Variants in PCDHA3 observed in about 807,000 individuals in gnomAD.
PCDHA3 encodes protocadherin alpha-3.
A neutral mutation model predicts 62.2 loss-of-function variants in PCDHA3; 41 were observed. That is an observed-to-expected ratio of 0.66 (90% CI 0.51 to 0.86). The LOEUF is 0.86. Among genes scored for constraint, PCDHA3 ranks in the 40% least tolerant of loss-of-function variants. The pLI, the probability that PCDHA3 is intolerant of heterozygous loss-of-function variation, is 0.00. For synonymous variants in PCDHA3, 640 were observed against 555.4 expected, an observed-to-expected ratio of 1.15 and a Z score of -2.14; for missense variants, 1,304 against 1,241.2, an observed-to-expected ratio of 1.05 and a Z score of -0.76.
At chr5:140,876,583 CT>C in intron 1 of PCDHA3, 1 of 1,614,194 alleles carries the variant, frequency 6.2e-7, no homozygotes, top group Non-Finnish European at 8.5e-7. Context: ...CGTCATTGCC[CT>C]GATTAGCGTG....
intron 3 of PCDHA3, among the ~76,000 whole-genome samples, chr5:140,996,953 TCCCTCAATC>T (rs1554255576): frequency 6.6e-6 from 1 of 152,202 alleles, no homozygotes; most frequent in Non-Finnish European, 1.5e-5. Flanking sequence ...AATATTTATT[TCCCTCAATC>T]CCACTCCCCT....
At chr5:140,844,381 T>C (rs1554140633) in intron 1 of PCDHA3, among the ~76,000 whole-genome samples, 1 of 149,612 alleles carries the variant, frequency 6.7e-6, no homozygotes, top group African/African-American at 2.4e-5. Flanking sequence ...TTCTTTTAAT[T>C]CATTATTTAG....
At chr5:140,928,874 C>T (rs782794510) in intron 1 of PCDHA3, 1 of 1,614,194 alleles carries the variant, frequency 6.2e-7, no homozygotes, top group Admixed American at 1.7e-5. Context: ...AACTCTGTCC[C>T]TCAGTTACTT....
chr5:140,814,427 C>T (rs1281564166), intron 1 of PCDHA3: 2 of 150,562 alleles, frequency 1.3e-5, no homozygotes, highest in Admixed American at 1.3e-4. Flanking sequence ...TTTCCTGAGG[C>T]TGTTTTGTGG....
intron 1 of PCDHA3, chr5:140,875,810 C>A: frequency 6.2e-7 from 1 of 1,614,106 alleles, no homozygotes; most frequent in Non-Finnish European, 8.5e-7. Flanking sequence ...GTGGACAGGC[C>A]GCTGCAGGTT....
chr5:140,926,665 G>C, intron 1 of PCDHA3: 1 of 538,906 alleles, frequency 1.9e-6, no homozygotes, highest in Non-Finnish European at 2.9e-6. Context: ...TTTCCCAGAC[G>C]GCTGCCCAGC....
chr5:141,005,797 A>G (rs1444669955), intron 3 of PCDHA3, among the ~76,000 whole-genome samples: 2 of 150,756 alleles, frequency 1.3e-5, no homozygotes, highest in East Asian at 1.9e-4. Context: ...GGCAAAAACA[A>G]CTCCAAGGAG....
chr5:141,009,999 G>A lies in PCDHA3; in HGVS notation c.*62G>A. 1 of 1,575,110 alleles carries A rather than the reference G, an allele frequency of 6.3e-7. No individual in the cohort carries two copies. The highest frequency in any genetic ancestry group is 1.2e-5 in the South Asian group (1 of 82,646). On this transcript the variant is annotated 3_prime_UTR_variant, in exon 4 of 4. Coordinates refer to ENST00000522353, the MANE Select transcript of PCDHA3 (RefSeq NM_018906.3). ...TGTAATAATGGCAAATCTCTCCCAT[G>A]TAGCAATTCCCTGCTCCTTTTTCCT...
intron 1 of PCDHA3, chr5:140,854,286 T>A: frequency 1.9e-6 from 1 of 522,000 alleles, no homozygotes; most frequent in Non-Finnish European, 2.5e-6. Flanking sequence ...AGTTTAGTTT[T>A]TATTATTTTG....
intron 1 of PCDHA3, chr5:140,876,942 G>C (rs370156477): frequency 6.2e-7 from 1 of 1,613,660 alleles, no homozygotes; most frequent in South Asian, 1.1e-5. Flanking sequence ...ACGCGCTGGT[G>C]TCCTACTCGC....
Position 140,802,835 on chromosome 5 carries a change from C to T in PCDHA3, c.1638C>T (p.Gly546=). ...SARDAGVPPL[G]SNVTLQVFVL... ...GCGATGCGGGCGTGCCGCCTCTGGGCAGCAACGTGACGCTGCAGGTGTTCG... is the reference window on the plus strand; with the variant it reads ...GCGATGCGGGCGTGCCGCCTCTGGGTAGCAACGTGACGCTGCAGGTGTTCG... The change falls in exon 1 of 4, where the codon GGC becomes GGT. Residue 546 remains glycine, a synonymous_variant. Coordinates refer to ENST00000522353, the MANE Select transcript of PCDHA3 (RefSeq NM_018906.3). The T allele has an allele frequency of 6.2e-7, 1 of 1,613,570 alleles. No individual in the cohort carries two copies. The highest frequency in any genetic ancestry group is 8.5e-7 in the Non-Finnish European group (1 of 1,179,880).
intron 1 of PCDHA3, among the ~76,000 whole-genome samples, chr5:140,890,656 A>C (rs181998048): frequency 1.3e-5 from 2 of 152,300 alleles, no homozygotes; most frequent in Admixed American, 6.5e-5. Context: ...CAAAATCAAA[A>C]GTTAACTGAA....
At chr5:140,907,927 T>C (rs970960629) in intron 1 of PCDHA3, among the ~76,000 whole-genome samples, 14 of 152,220 alleles carry the variant, frequency 9.2e-5, no homozygotes, top group Admixed American at 9.2e-4. Flanking sequence ...GAGAGGTCCA[T>C]TCACATACCT....
Position 140,923,348 on chromosome 5 carries a change from G to A in PCDHA3, c.2395-55601G>A, listed in dbSNP as rs376610944. Among the ~76,000 whole-genome samples the A allele has an allele frequency of 2.6e-3, 395 of 152,192 alleles. 2 individuals are homozygous for A. Among genetic ancestry groups the A allele is most frequent in the African/African-American group, 9.2e-3 (384 of 41,538 alleles). ...CAAGGACAGTTTGGGCAACATAGTG[G>A]GACCCTATCTTTATAAAATATTTTT... is the stretch of plus-strand genomic sequence containing the variant. On this transcript the variant is annotated intron_variant, in intron 1 of 3. Coordinates refer to ENST00000522353, the MANE Select transcript of PCDHA3 (RefSeq NM_018906.3).
chr5:140,808,729 C>A, intron 1 of PCDHA3: 1 of 1,612,058 alleles, frequency 6.2e-7, no homozygotes, highest in Non-Finnish European at 8.5e-7. Flanking sequence ...ATGCGGAGAG[C>A]GGCAAGGTGT....
chr5:140,869,858 T>C (rs1554163543), intron 1 of PCDHA3: 5 of 1,610,642 alleles, frequency 3.1e-6, no homozygotes, highest in East Asian at 4.5e-5. Context: ...GTGAGCCTTA[T>C]GGAAAATGCT....
intron 1 of PCDHA3, among the ~76,000 whole-genome samples, chr5:140,940,028 G>C (rs782276273): frequency 3.2e-4 from 48 of 152,048 alleles, no homozygotes; most frequent in Non-Finnish European, 5.4e-4. Context: ...ATGTTTTAAG[G>C]CTATTTTATT....
rs143298646 is a variant in PCDHA3 at position 140,846,200 on chromosome 5, T to A, written c.2394+42609T>A. ...TAGGCGTTTGAGTTCTTTGTATGTA[T>A]GAGATCTTTCCATTAATAGTATTTT... On this transcript the variant is annotated intron_variant, in intron 1 of 3. Coordinates refer to ENST00000522353, the MANE Select transcript of PCDHA3 (RefSeq NM_018906.3). Among the ~76,000 whole-genome samples, 321 of 149,672 alleles carry A rather than the reference T, an allele frequency of 2.1e-3. 23 individuals carry two copies. The highest frequency in any genetic ancestry group is 7.4e-3 in the African/African-American group (305 of 40,998).
chr5:140,914,427 T>C (rs2076707638), intron 1 of PCDHA3, among the ~76,000 whole-genome samples: 1 of 152,196 alleles, frequency 6.6e-6, no homozygotes, highest in African/African-American at 2.4e-5. Context: ...TAGCAAGGAA[T>C]ATCTTTTCCC....
Sources: gnomAD v4.1 joint callset for allele counts (sites outside exome capture counted in the v4.1 genomes callset) on GRCh38, gnomAD v4.1.1 for gene constraint, MANE v1.5 for transcripts, NCBI Gene and HGNC (gene_info 2026-07-23, HGNC 2026-07-21) for gene names.